SUN3: variants seen among roughly 807,000 people sequenced by gnomAD.
SUN3 encodes the protein SUN domain-containing protein 3.
SUN3 carries 36 observed loss-of-function variants against 48.2 expected under a neutral mutation model. The observed-to-expected ratio is 0.75, with a 90% CI of 0.57 to 0.99. The LOEUF (loss-of-function observed/expected upper bound fraction) is 0.99, where lower values mean the gene tolerates loss of function less well. Ranked by LOEUF, SUN3 falls within the 50% of genes least tolerant of loss-of-function variation. The pLI is 0.00. For synonymous variants in SUN3, 148 were observed against 147.9 expected (o/e 1.00, Z 0.00); for missense variants, 419 against 433.1 (o/e 0.97, Z 0.29).
chr7:48,005,110 G>A (rs180912664), intron 6 of SUN3, among the ~76,000 whole-genome samples: 229 of 152,186 alleles, frequency 1.5e-3, no homozygotes, highest in African/African-American at 5.4e-3. Context: ...TACATCAATT[G>A]ATATAAATGC....
At chr7:47,994,713 T>A (rs967051992) in intron 7 of SUN3, among the ~76,000 whole-genome samples, 4 of 152,212 alleles carry the variant, frequency 2.6e-5, no homozygotes, top group African/African-American at 9.7e-5. Flanking sequence ...GACTGTAAGC[T>A]GTTATAAGGC....
intron 8 of SUN3, among the ~76,000 whole-genome samples, chr7:47,993,064 G>A (rs1271280669): frequency 1.3e-5 from 2 of 151,942 alleles, no homozygotes; most frequent in African/African-American, 4.8e-5. Context: ...GGGCAACAGA[G>A]CTGAGACCCT....
intron 3 of SUN3, among the ~76,000 whole-genome samples, chr7:48,012,550 C>T (rs1789712935): frequency 1.3e-5 from 2 of 152,090 alleles, no homozygotes; most frequent in South Asian, 2.1e-4. Flanking sequence ...CATAAGATAT[C>T]TAACTTTAAA....
the SUN3 span, chr7:48,035,526 C>A: frequency 2.9e-6 from 2 of 697,678 alleles, no homozygotes; most frequent in South Asian, 3.0e-5. This position sits in a 1 kb window ranked among gnomAD's most constrained non-coding sequence, Gnocchi z 4.0. Context: ...TGTGGTTCCG[C>A]GGCGCGCTGG....
chr7:48,026,581 AACACACACAC>A (rs112192395), intron 1 of SUN3, among the ~76,000 whole-genome samples: 34 of 145,628 alleles, frequency 2.3e-4, no homozygotes, highest in South Asian at 2.2e-4. Flanking sequence ...CCCACCCCCC[AACACACACAC>A]ACACACACAC....
At chr7:47,995,024 G>C (rs1484261722) in intron 7 of SUN3, among the ~76,000 whole-genome samples, 2 of 152,124 alleles carry the variant, frequency 1.3e-5, no homozygotes, top group Non-Finnish European at 2.9e-5. Context: ...CATGGCAATG[G>C]TATCACCTAA....
At chr7:48,027,760 G>T (rs1790175732) in intron 1 of SUN3, among the ~76,000 whole-genome samples, 1 of 152,112 alleles carries the variant, frequency 6.6e-6, no homozygotes, top group Non-Finnish European at 1.5e-5. Context: ...AACCAACTAA[G>T]AAGAGAATTT....
intron 3 of SUN3, among the ~76,000 whole-genome samples, chr7:48,012,294 T>C (rs1789704678): frequency 1.3e-5 from 2 of 152,176 alleles, no homozygotes; most frequent in East Asian, 1.9e-4. Context: ...GCATGTGCTG[T>C]CAATTTACAG....
chr7:48,026,581 A>ACAC (rs1790141163), intron 1 of SUN3, among the ~76,000 whole-genome samples: 1 of 145,628 alleles, frequency 6.9e-6, no homozygotes, highest in African/African-American at 2.5e-5. Flanking sequence ...CCCACCCCCC[A>ACAC]ACACACACAC....
chr7:48,005,791 C>CAGAA (rs147127292), intron 6 of SUN3, among the ~76,000 whole-genome samples, 178 bp downstream of exon 6: 4,108 of 151,656 alleles, frequency 0.027, 180 homozygotes, highest in African/African-American at 0.094. Flanking sequence ...CATTTGCACT[C>CAGAA]AGCAATCAGT....
chr7:48,025,972 T>C, intron 1 of SUN3, 34 bp from the exon 2 acceptor site: 2 of 1,446,926 alleles, frequency 1.4e-6, no homozygotes, highest in South Asian at 2.4e-5. Context: ...AGAAAAAGAA[T>C]TTAACAACAT....
intron 5 of SUN3, 74 bp from the exon 6 acceptor site, chr7:48,006,127 T>C: frequency 7.9e-6 from 9 of 1,133,304 alleles, no homozygotes; most frequent in Non-Finnish European, 9.0e-6. Flanking sequence ...TTCATTTTAT[T>C]GATTTGGACC....
intron 2 of SUN3, 85 bp downstream of exon 2, chr7:48,025,792 T>C (rs1214081849): frequency 2.3e-6 from 2 of 883,518 alleles, no homozygotes; most frequent in Non-Finnish European, 1.8e-6. Flanking sequence ...TATTTACAAA[T>C]ATGAGTCATT....
At chr7:48,023,379 G>T (rs1019110506) in intron 2 of SUN3, among the ~76,000 whole-genome samples, 1 of 151,992 alleles carries the variant, frequency 6.6e-6, no homozygotes, top group Non-Finnish European at 1.5e-5. Flanking sequence ...TAAATGTAGG[G>T]TCTCAGTTGA....
At chr7:48,025,963 G>C in intron 1 of SUN3, 25 bp from the exon 2 acceptor site, 1 of 1,522,286 alleles carries the variant, frequency 6.6e-7, no homozygotes, top group Non-Finnish European at 9.0e-7. Context: ...ACAATGATTA[G>C]AAAAAGAATT....
upstream of SUN3, among the ~76,000 whole-genome samples, chr7:48,031,341 C>T (rs554149728): frequency 6.6e-6 from 1 of 152,292 alleles, no homozygotes; most frequent in Non-Finnish European, 1.5e-5. Flanking sequence ...GATATCACCT[C>T]ACAGCTGTTA....
chr7:48,007,123 C>T (rs754516906), intron 5 of SUN3, 42 bp downstream of exon 5: 9 of 1,565,040 alleles, frequency 5.8e-6, no homozygotes, highest in East Asian at 2.3e-5. Context: ...CCGCGCTAAC[C>T]ACCACCCCAC....
chr7:48,016,795 T>C (rs1423405207), intron 3 of SUN3, among the ~76,000 whole-genome samples: 2 of 152,180 alleles, frequency 1.3e-5, no homozygotes, highest in Non-Finnish European at 2.9e-5. Flanking sequence ...GCCTGGGTAA[T>C]TTATAAACAA....
At chr7:48,005,855 C>CA in intron 6 of SUN3, 114 bp downstream of exon 6, 2 of 524,964 alleles carry the variant, frequency 3.8e-6, no homozygotes, top group South Asian at 2.8e-5. Flanking sequence ...TAATTTCCCC[C>CA]CCCCAAGTTA....
Sources: allele counts gnomAD v4.1 joint callset (sites outside exome capture counted in the v4.1 genomes callset), GRCh38; gene constraint gnomAD v4.1.1; non-coding constraint Gnocchi (gnomAD v3.1); transcripts MANE v1.5; gene names NCBI Gene and HGNC (gene_info 2026-07-23, HGNC 2026-07-21).